FRK: variants seen among roughly 807,000 people sequenced by gnomAD.
FRK encodes the protein tyrosine-protein kinase FRK.
A neutral mutation model predicts 56.4 loss-of-function variants in FRK; 51 were observed. The ratio of observed to expected loss-of-function variants is 0.90; its 90% confidence interval spans 0.72 to 1.14. FRK has a LOEUF of 1.14. Ranked by LOEUF, FRK falls within the 50% of genes most tolerant of loss-of-function variation. FRK has a pLI of 0.00. For missense variants in FRK, 570 were observed against 601.4 expected, an observed-to-expected ratio of 0.95 and a Z score of 0.55; for synonymous variants, 245 against 217.9, an observed-to-expected ratio of 1.12 and a Z score of -1.10.
rs1217667865 is a variant in FRK at position 116,060,272 on chromosome 6, G to C, written c.40C>G (p.Pro14Ala). ...TCCGTGGACAAACAGGGGAGATAGG[G>C]TTCTAGGTACTCCCAGAGCCTCTGA... ...ICQRLWEYLEPYLPCLSTEAD... is the reference protein window; with the variant it reads ...ICQRLWEYLEAYLPCLSTEAD... Residue 14 changes from proline to alanine, a missense_variant, in exon 1 of 8, where the codon CCC (proline) becomes GCC (alanine). Transcript: ENST00000606080. 2 of 1,614,148 alleles carry C rather than the reference G, an allele frequency of 1.2e-6. No homozygotes were observed. The highest frequency in any genetic ancestry group is 3.3e-5 in the Admixed American group (2 of 60,018).
At chr6:116,024,419 C>CCA in intron 1 of FRK, among the ~76,000 whole-genome samples, 1 of 150,660 alleles carries the variant, frequency 6.6e-6, no homozygotes, top group South Asian at 2.1e-4. Flanking sequence ...TCCCCCCTCC[C>CCA]CACACCCCAC....
At position 115,960,516 on chromosome 6, in the gene FRK, G is replaced by A. The variant is rs1267932009; in HGVS notation, c.800-3906C>T. Reference sequence around the variant, plus strand: ...CTTGCTTAGGTAAACAAAGCAGCCCGGAAGCTCGAACTGGGTGGAGCCCAC... The same window carrying A: ...CTTGCTTAGGTAAACAAAGCAGCCCAGAAGCTCGAACTGGGTGGAGCCCAC... On this transcript the variant is annotated intron_variant, in intron 4 of 7. Transcript: ENST00000606080. Among the ~76,000 whole-genome samples the A allele has an allele frequency of 3.4e-3, 503 of 147,486 alleles. 3 individuals carry two copies. Among genetic ancestry groups the A allele is most frequent in the African/African-American group, 0.012 (462 of 39,600 alleles).
At chr6:115,994,428 G>A (rs752200090) in intron 2 of FRK, among the ~76,000 whole-genome samples, 1 of 147,156 alleles carries the variant, frequency 6.8e-6, no homozygotes, top group African/African-American at 2.5e-5. Context: ...GCATTTGGAT[G>A]AGTCTACACT....
the FRK span, among the ~76,000 whole-genome samples, chr6:116,099,323 C>G: frequency 6.4e-4 from 97 of 152,292 alleles, no homozygotes; most frequent in Non-Finnish European, 4.7e-4. Flanking sequence ...CCTAAAGTAC[C>G]TAAAGCACCT....
At chr6:116,014,756 T>C (rs1050416734) in intron 1 of FRK, among the ~76,000 whole-genome samples, 1 of 152,170 alleles carries the variant, frequency 6.6e-6, no homozygotes, top group Non-Finnish European at 1.5e-5. Flanking sequence ...AAAATGTGAC[T>C]TGTTCTTTAA....
At chr6:116,075,889 A>G in the FRK span, among the ~76,000 whole-genome samples, 2 of 152,166 alleles carry the variant, frequency 1.3e-5, no homozygotes, top group Non-Finnish European at 2.9e-5. Context: ...TGAGATCTGC[A>G]GGGCCTGTAG....
intron 2 of FRK, 93 bp from the exon 3 acceptor site, chr6:115,968,832 A>C: frequency 9.7e-7 from 1 of 1,035,450 alleles, no homozygotes; most frequent in South Asian, 1.6e-5. Context: ...CATAAAATGA[A>C]ATCTATATAA....
At chr6:116,025,305 T>C (rs1439254531) in intron 1 of FRK, among the ~76,000 whole-genome samples, 1 of 152,190 alleles carries the variant, frequency 6.6e-6, no homozygotes, top group African/African-American at 2.4e-5. Context: ...ATTGGCAATA[T>C]TTGTTATGAA....
chr6:116,094,859 G>A, the FRK span, among the ~76,000 whole-genome samples: 1 of 152,154 alleles, frequency 6.6e-6, no homozygotes, highest in South Asian at 2.1e-4. Context: ...GATAGACAGG[G>A]AGTAAGAAAG....
intron 1 of FRK, among the ~76,000 whole-genome samples, chr6:116,019,423 G>T (rs1775778843): frequency 6.6e-6 from 1 of 152,104 alleles, no homozygotes; most frequent in South Asian, 2.1e-4. Context: ...GAGAGCAAAA[G>T]AACAAGTCCA....
chr6:115,991,335 C>G (rs1253541512), intron 2 of FRK, among the ~76,000 whole-genome samples: 1 of 151,792 alleles, frequency 6.6e-6, no homozygotes, highest in African/African-American at 2.4e-5. Flanking sequence ...GAGTGGACAT[C>G]CTTGTTTTGT....
chr6:116,069,995 G>A, the FRK span, among the ~76,000 whole-genome samples: 1 of 152,076 alleles, frequency 6.6e-6, no homozygotes, highest in African/African-American at 2.4e-5. Flanking sequence ...CTGAGTGAGA[G>A]ACATCAGCAA....
chr6:116,065,782 C>A (rs1391116545), upstream of FRK, among the ~76,000 whole-genome samples: 1 of 152,188 alleles, frequency 6.6e-6, no homozygotes, highest in Admixed American at 6.5e-5. Flanking sequence ...TATATTGACA[C>A]AATGCCTAAC....
chr6:116,089,922 AG>A, the FRK span, among the ~76,000 whole-genome samples: 13 of 152,214 alleles, frequency 8.5e-5, no homozygotes, highest in Admixed American at 7.9e-4. Flanking sequence ...GTTTCCAAAA[AG>A]TTTGTTGCAA....
At position 115,939,788 on chromosome 6, in the gene FRK, C is replaced by T. The variant is rs1267730209; in HGVS notation, c.*2626G>A. On this transcript the variant is annotated 3_prime_UTR_variant, in exon 8 of 8. Coordinates refer to ENST00000606080, the MANE Select transcript of FRK (RefSeq NM_002031.3). ...AACTTACAAGGGATGCAAAGGACCT[C>T]TTCAAGGAGAACTACAAACCACTGC... 1 of 152,134 alleles carries T rather than the reference C, an allele frequency of 6.6e-6. No homozygotes were observed. Among genetic ancestry groups the T allele is most frequent in the Non-Finnish European group, 1.5e-5 (1 of 68,030 alleles). 9.4% of individuals were successfully genotyped at this position (152,134 alleles called of 1,614,324 possible). A position where few individuals can be genotyped will look rare whatever the true frequency, so the allele number is the denominator to read the frequency against.
At chr6:116,033,406 A>G (rs1201165496) in intron 1 of FRK, among the ~76,000 whole-genome samples, 1 of 152,166 alleles carries the variant, frequency 6.6e-6, no homozygotes, top group African/African-American at 2.4e-5. Flanking sequence ...TCAGTGGTTC[A>G]GGATAGAGCA....
intron 1 of FRK, among the ~76,000 whole-genome samples, chr6:116,013,386 A>G (rs547901459): frequency 6.6e-6 from 1 of 152,294 alleles, no homozygotes; most frequent in South Asian, 2.1e-4. Flanking sequence ...CTTTTAAAAT[A>G]AAAAACAAAA....
At chr6:115,977,164 G>T (rs1774020513) in intron 2 of FRK, among the ~76,000 whole-genome samples, 1 of 152,088 alleles carries the variant, frequency 6.6e-6, no homozygotes, top group East Asian at 1.9e-4. Flanking sequence ...AACATTAATT[G>T]ATTTGTTATG....
Position 115,943,155 on chromosome 6 carries a change from G to A in FRK, c.1171C>T (p.His391Tyr). ...VDNEDIYESR[H>Y]EIKLPVKWTA... Reference sequence around the variant, plus strand: ...CACTTCACCGGCAGCTTTATTTCGTGTCTAGATTCATAGATGTCTTCATTA... The same window carrying A: ...CACTTCACCGGCAGCTTTATTTCGTATCTAGATTCATAGATGTCTTCATTA... The change falls in exon 7 of 8, where the codon CAC becomes TAC. Residue 391 changes from histidine (H) to tyrosine (Y), a missense_variant. Physicochemically the swap from His to Tyr is moderately conservative, Grantham distance 83. Coordinates refer to ENST00000606080, the MANE Select transcript of FRK (RefSeq NM_002031.3). 6.2e-7 allele frequency: 1 copy of A among 1,611,492 alleles called. No individual in the cohort carries two copies. The highest frequency in any genetic ancestry group is 2.2e-5 in the East Asian group (1 of 44,760).
Sources: gnomAD v4.1 joint callset for allele counts (sites outside exome capture counted in the v4.1 genomes callset) on GRCh38, gnomAD v4.1.1 for gene constraint, MANE v1.5 for transcripts, NCBI Gene and HGNC (gene_info 2026-07-23, HGNC 2026-07-21) for gene names.